Variants in SIPA1 observed in about 807,000 individuals in gnomAD.
SIPA1 encodes the protein signal-induced proliferation-associated 1.
SIPA1 carries 51 observed loss-of-function variants against 88.1 expected under a neutral mutation model. The observed-to-expected ratio is 0.58, with a 90% CI of 0.46 to 0.73. The LOEUF is 0.73. Ranked by LOEUF, SIPA1 falls within the 30% of genes least tolerant of loss-of-function variation. SIPA1 has a pLI of 0.00. For missense variants in SIPA1, 1,348 were observed against 1,467.6 expected (o/e 0.92, Z 1.33); for synonymous variants, 681 against 664.8 (o/e 1.02, Z -0.37).
At chr11:65,641,714 C>G in intron 2 of SIPA1, 114 bp downstream of exon 2, 1 of 1,024,856 alleles carries the variant, frequency 9.8e-7, no homozygotes, top group Non-Finnish European at 1.4e-6. Flanking sequence ...AAGTCCCTGG[C>G]CCTGGGAGGG....
chr11:65,650,647 G>T lies in SIPA1; in HGVS notation c.3061G>T (p.Glu1021Ter). Residue 1021 changes from glutamate (E) to a stop codon, truncating the protein, a stop_gained, in exon 16 of 16, where the codon GAG becomes TAG. Transcript: ENST00000534313. LOFTEE classifies it high-confidence loss of function. ...CAACCGGCGGCTGCAGGCGGAGTCT[G>T]AGAGTGCAGCCACACGCCTCCTCCT... ...HNNRRLQAES[E>*]SAATRLLLAS... 6.4e-7 allele frequency: 1 copy of T among 1,574,326 alleles called. No homozygotes were observed. Among genetic ancestry groups the T allele is most frequent in the East Asian group, 2.3e-5 (1 of 42,640 alleles).
In SIPA1 at chr11:65,642,366, C is replaced by T. The variant is rs1353052918; in HGVS notation, c.796C>T (p.Arg266Trp). 1.9e-6 allele frequency: 3 copies of T among 1,576,792 alleles called. No individual in the cohort carries two copies. Among genetic ancestry groups the T allele is most frequent in the African/African-American group, 2.7e-5 (2 of 73,972 alleles). Residue 266 changes from arginine to tryptophan, a missense_variant, in exon 3 of 16, where the codon CGG becomes TGG. By Grantham distance (101) the Arg-to-Trp change is moderately radical. Transcript: ENST00000534313. This position sits in a 1 kb window ranked among gnomAD's most constrained non-coding sequence, Gnocchi z 6.5. ...CCTGCACAGCTACCGCGTCATCGTG[C>T]GGACCACGCAGGTGGGCCGGGATCG... ...GTLHSYRVIV[R>W]TTQLRTLRGT...
In SIPA1 at chr11:65,649,767, G is replaced by A. The variant is rs1349641959; in HGVS notation, c.2648G>A (p.Gly883Asp). 2 of 1,614,028 alleles carry A rather than the reference G, an allele frequency of 1.2e-6. No homozygotes were observed. The highest frequency in any genetic ancestry group is 1.7e-5 in the Admixed American group (1 of 60,026). ...ACTTCTGTGGCACAGGACAGGCCAGGCAGTCCCAGTGGCTCTGAGGACAAG... is the reference window on the plus strand; with the variant it reads ...ACTTCTGTGGCACAGGACAGGCCAGACAGTCCCAGTGGCTCTGAGGACAAG... ...SETPLTQDRP[G>D]SPSGSEDKGN... is the part of the protein sequence containing the mutation. Residue 883 changes from glycine (G) to aspartate (D), a missense_variant, in exon 12 of 16, where the codon GGC becomes GAC. Physicochemically the swap from Gly to Asp is moderately conservative, Grantham distance 94. Transcript: ENST00000534313.
chr11:65,648,185 T>C (rs190021327), intron 9 of SIPA1, among the ~76,000 whole-genome samples: 3 of 152,236 alleles, frequency 2.0e-5, no homozygotes, highest in Non-Finnish European at 2.9e-5. Context: ...TCTATCTTCA[T>C]ATGTAGAATG....
intron 2 of SIPA1, 142 bp downstream of exon 2, chr11:65,641,742 G>A: frequency 2.5e-6 from 2 of 785,656 alleles, no homozygotes; most frequent in Non-Finnish European, 3.9e-6. Context: ...GCTGAGCTGG[G>A]GTCCTCCTGG....
At chr11:65,650,544 G>A (rs1481131079) in intron 15 of SIPA1, 25 bp from the exon 16 acceptor site, 2 of 1,610,398 alleles carry the variant, frequency 1.2e-6, no homozygotes, top group African/African-American at 1.3e-5. Flanking sequence ...TGGCGGCTCT[G>A]ACTCCTGTCT....
Position 65,646,599 on chromosome 11 carries a change from G to A in SIPA1, c.1565G>A (p.Arg522His), listed in dbSNP as rs763953944. Residue 522 changes from arginine to histidine, a missense_variant, in exon 8 of 16, where the codon CGC (arginine) becomes CAC (histidine). Arg to His is a conservative substitution (Grantham distance 29, BLOSUM62 0). Around this residue, in one of 4 missense-constraint regions of SIPA1, gnomAD observed 641 missense variants for 797.7 expected, o/e 0.80. Transcript: ENST00000534313. The surrounding 1 kb of genome is among the most constrained non-coding windows in gnomAD (Gnocchi z 7.5). ...LNGEQAAGHA[R>H]QFHAMATRTR... is the part of the protein sequence containing the mutation. ...GGTGAGCAGGCGGCCGGCCACGCGC[G>A]CCAGTTCCACGCCATGGCCACGCGC... 78 of 1,544,502 alleles carry A rather than the reference G, an allele frequency of 5.1e-5. No homozygotes were observed. The Admixed American group carries it at 1.4e-3, about 28-fold the overall frequency.
rs556092454 is a variant in SIPA1 at position 65,650,313 on chromosome 11, G to A, written c.2904-88G>A. 2.7e-5 allele frequency: 42 copies of A among 1,549,286 alleles called. 1 individual carries two copies. Among genetic ancestry groups the A allele is most frequent in the Admixed American group, 5.0e-5 (3 of 59,548 alleles). ...GCCACATATGCCTAGAAGACCAGCG[G>A]GGCCCCTCTCATTAGCTGGGGCTGG... On this transcript the variant is annotated intron_variant, in intron 14 of 15. Coordinates refer to ENST00000534313, the MANE Select transcript of SIPA1 (RefSeq NM_006747.4).
In SIPA1 at chr11:65,642,347, C is replaced by G. The variant is rs759708833; in HGVS notation, c.777C>G (p.His259Gln). The G allele has an allele frequency of 6.4e-7, 1 of 1,567,198 alleles. No individual in the cohort carries two copies. The highest frequency in any genetic ancestry group is 1.2e-5 in the South Asian group (1 of 86,192). ...EKEGSGGGTL[H>Q]SYRVIVRTTQ... Reference sequence around the variant, plus strand: ...AGGGCAGCGGAGGGGGCACCCTGCACAGCTACCGCGTCATCGTGCGGACCA... The same window carrying G: ...AGGGCAGCGGAGGGGGCACCCTGCAGAGCTACCGCGTCATCGTGCGGACCA... The change falls in exon 3 of 16, where the codon CAC (histidine) becomes CAG (glutamine). Residue 259 changes from histidine to glutamine, a missense_variant. His to Gln is a conservative substitution (Grantham distance 24, BLOSUM62 0). This residue lies in a region of SIPA1 where 641 missense variants were observed against 797.7 expected (regional missense o/e 0.80). Coordinates refer to ENST00000534313, the MANE Select transcript of SIPA1 (RefSeq NM_006747.4). This position sits in a 1 kb window ranked among gnomAD's most constrained non-coding sequence, Gnocchi z 6.5.
intron 15 of SIPA1, 45 bp downstream of exon 15, chr11:65,650,524 G>A: frequency 1.2e-6 from 2 of 1,612,962 alleles, no homozygotes; most frequent in Non-Finnish European, 1.7e-6. Context: ...GGCTGCCCCA[G>A]GAAAGGGGCT....
At chr11:65,647,134 C>T (rs1856140054) in intron 8 of SIPA1, 69 bp downstream of exon 8, 3 of 1,426,486 alleles carry the variant, frequency 2.1e-6, no homozygotes, top group East Asian at 5.3e-5. Flanking sequence ...CCCCTCCCTC[C>T]CGCCGCCTTT....
At position 65,646,686 on chromosome 11, in the gene SIPA1, C is replaced by T; in HGVS notation, c.1652C>T (p.Ser551Leu). 6.5e-7 allele frequency: 1 copy of T among 1,542,726 alleles called. No homozygotes were observed. Among genetic ancestry groups the T allele is most frequent in the South Asian group, 1.2e-5 (1 of 84,114 alleles). The change falls in exon 8 of 16, where the codon TCG becomes TTG. Residue 551 changes from serine (S) to leucine (L), a missense_variant. By Grantham distance (145) the Ser-to-Leu change is moderately radical (BLOSUM62 -2). Transcript: ENST00000534313. This position sits in a 1 kb window ranked among gnomAD's most constrained non-coding sequence, Gnocchi z 7.5. ...GAGGTGACCACTACGTCGCTGGACT[C>T]GGCTTCACGCTTCGGCCTGCCCTCC... The part of the protein sequence containing the change: ...TNEVTTTSLD[S>L]ASRFGLPSLG...
rs772102324 is a variant in SIPA1, at chr11:65,649,960, G to A, written c.2757G>A (p.Glu919=). 1.2e-5 allele frequency: 19 copies of A among 1,614,062 alleles called. No individual in the cohort carries two copies. The South Asian group carries it at 2.0e-4, about 17-fold the overall frequency. Residue 919 remains glutamate, a synonymous_variant, in exon 13 of 16, where the codon GAG becomes GAA. Coordinates refer to ENST00000534313, the MANE Select transcript of SIPA1 (RefSeq NM_006747.4). The part of the protein sequence containing the change: ...LRNSISRIMS[E]AGSGTLEDEW... ...TCCTTGTGCCCACAGTCATGTCGGA[G>A]GCGGGCAGTGGGACCCTGGAGGACG... is the stretch of plus-strand genomic sequence containing the variant.
intron 4 of SIPA1, among the ~76,000 whole-genome samples, chr11:65,644,537 A>G (rs977192224): frequency 6.6e-6 from 1 of 151,624 alleles, no homozygotes; most frequent in African/African-American, 2.4e-5. Context: ...GGGCATGGTT[A>G]TCCAGTTATC....
Position 65,642,275 on chromosome 11 carries a change from C to T in SIPA1, c.705C>T (p.Asp235=), listed in dbSNP as rs745436135. The part of the protein sequence containing the change: ...GKEHQNFFGM[D]ESLGPVAVSL... ...AACATCAGAACTTCTTCGGGATGGACGAGTCGCTGGGCCCGGTGGCAGTGA... is the reference window on the plus strand; with the variant it reads ...AACATCAGAACTTCTTCGGGATGGATGAGTCGCTGGGCCCGGTGGCAGTGA... Residue 235 remains aspartate (D), a synonymous_variant, in exon 3 of 16, where the codon GAC becomes GAT. Coordinates refer to ENST00000534313, the MANE Select transcript of SIPA1 (RefSeq NM_006747.4). The surrounding 1 kb of genome is among the most constrained non-coding windows in gnomAD (Gnocchi z 6.5). 15 of 1,555,776 alleles carry T rather than the reference C, an allele frequency of 9.6e-6. No individual in the cohort carries two copies. Among genetic ancestry groups the T allele is most frequent in the Non-Finnish European group, 1.3e-5 (15 of 1,150,870 alleles).
At chr11:65,640,707 G>T in intron 1 of SIPA1, 124 bp from the exon 2 acceptor site, 1 of 508,366 alleles carries the variant, frequency 2.0e-6, no homozygotes, top group Non-Finnish European at 3.4e-6. Flanking sequence ...GGCCTGGAAA[G>T]CGGAAGCAGC....
In SIPA1 at chr11:65,646,705, G is replaced by A. The variant is rs1165427555; in HGVS notation, c.1671G>A (p.Leu557=). 6.5e-7 allele frequency: 1 copy of A among 1,539,498 alleles called. No individual in the cohort carries two copies. Among genetic ancestry groups the A allele is most frequent in the South Asian group, 1.2e-5 (1 of 83,962 alleles). The change falls in exon 8 of 16, where the codon CTG becomes CTA. Residue 557 remains leucine, a synonymous_variant. Coordinates refer to ENST00000534313, the MANE Select transcript of SIPA1 (RefSeq NM_006747.4). The surrounding 1 kb of genome is among the most constrained non-coding windows in gnomAD (Gnocchi z 7.5). ...TGGACTCGGCTTCACGCTTCGGCCT[G>A]CCCTCCCTGGGTGGGAGGCGCCGGG... The part of the protein sequence containing the change: ...TSLDSASRFG[L]PSLGGRRRAA...
chr11:65,642,240 G>C lies in SIPA1; in HGVS notation c.680-10G>C. 1.3e-6 allele frequency: 2 copies of C among 1,550,424 alleles called. No homozygotes were observed. Among genetic ancestry groups the C allele is most frequent in the South Asian group, 1.2e-5 (1 of 83,872 alleles). The stretch of plus-strand genomic sequence containing the variant: ...CGGGACCAATCGTTTTCTTCGGCGC[G>C]GTCCCCCAGAACATCAGAACTTCTT... On this transcript the variant is annotated splice_polypyrimidine_tract_variant and intron_variant, in intron 2 of 15. Coordinates refer to ENST00000534313, the MANE Select transcript of SIPA1 (RefSeq NM_006747.4). The surrounding 1 kb of genome is among the most constrained non-coding windows in gnomAD (Gnocchi z 6.5).
intron 8 of SIPA1, 126 bp downstream of exon 8, chr11:65,647,191 C>A: frequency 1.4e-6 from 2 of 1,409,796 alleles, no homozygotes. Flanking sequence ...CAGAGCCAGC[C>A]CCGGGGCTTG....
Sources: allele counts gnomAD v4.1 joint callset (sites outside exome capture counted in the v4.1 genomes callset), GRCh38; gene constraint gnomAD v4.1.1; regional missense constraint gnomAD v4.1.1; non-coding constraint Gnocchi (gnomAD v3.1); transcripts MANE v1.5; gene names NCBI Gene and HGNC (gene_info 2026-07-23, HGNC 2026-07-21).